The following BMPR1A variants were observed in gnomAD, a reference collection of about 807,000 sequenced individuals.
BMPR1A encodes bone morphogenetic protein receptor type 1A, also known as bone morphogenetic protein receptor type-1A.
In BMPR1A, 7 loss-of-function variants were observed where a neutral mutation model predicts 66.0. The observed-to-expected ratio is 0.11, with a 90% CI of 0.06 to 0.20. The LOEUF (loss-of-function observed/expected upper bound fraction) is 0.20. BMPR1A is among the 10% of genes least tolerant of loss of function. The probability of loss-of-function intolerance (pLI) is 1.00; values close to 1 mark genes in which losing one functional copy is unlikely to be tolerated. For synonymous variants in BMPR1A, 200 were observed against 229.7 expected, an observed-to-expected ratio of 0.87 and a Z score of 1.17; for missense variants, 408 against 669.1, an observed-to-expected ratio of 0.61 and a Z score of 4.31.
chr10:86,784,442 A>AAT (rs1348598797), intron 1 of BMPR1A, among the ~76,000 whole-genome samples: 1 of 152,176 alleles, frequency 6.6e-6, no homozygotes, highest in Non-Finnish European at 1.5e-5. Context: ...GCATCCTAGG[A>AAT]ATAAGGCTCC....
At chr10:86,836,563 C>T (rs997049536) in intron 1 of BMPR1A, among the ~76,000 whole-genome samples, 13 of 151,952 alleles carry the variant, frequency 8.6e-5, no homozygotes, top group African/African-American at 3.1e-4. Flanking sequence ...TTTGGGAGGC[C>T]GAGGCAGGCG....
At chr10:86,794,236 T>A (rs964224018) in intron 1 of BMPR1A, among the ~76,000 whole-genome samples, 2 of 152,080 alleles carry the variant, frequency 1.3e-5, no homozygotes, top group African/African-American at 2.4e-5. Flanking sequence ...AACTGTTAAT[T>A]TTATCTATTT....
chr10:86,794,244 T>A (rs974769138), intron 1 of BMPR1A, among the ~76,000 whole-genome samples: 5 of 145,450 alleles, frequency 3.4e-5, no homozygotes, highest in African/African-American at 1.3e-4. Context: ...ATTTTATCTA[T>A]TTTTTTTTTA....
chr10:86,924,886 G>A lies in BMPR1A; in HGVS notation c.*1167G>A. 8.6e-6 allele frequency: 2 copies of A among 232,040 alleles called. No homozygotes were observed. Among genetic ancestry groups the A allele is most frequent in the East Asian group, 1.2e-4 (2 of 16,276 alleles). 14.4% of individuals were successfully genotyped at this position (232,040 alleles called of 1,614,324 possible). A position where few individuals can be genotyped will look rare whatever the true frequency, so the allele number is the denominator to read the frequency against. On this transcript the variant is annotated 3_prime_UTR_variant, in exon 13 of 13. Coordinates refer to ENST00000372037, the MANE Select transcript of BMPR1A (RefSeq NM_004329.3). ...AATTTTCAGAATTAATGCATTCAAAGTAATATATCAAATCCAGGACTTTGT... is the reference window on the plus strand; with the variant it reads ...AATTTTCAGAATTAATGCATTCAAAATAATATATCAAATCCAGGACTTTGT...
intron 2 of BMPR1A, among the ~76,000 whole-genome samples, chr10:86,872,286 C>A (rs554212193): frequency 6.6e-6 from 1 of 152,298 alleles, no homozygotes; most frequent in South Asian, 2.1e-4. Flanking sequence ...TTCTATTTAG[C>A]ACCTACTATG....
At chr10:86,820,743 A>G (rs1160274630) in intron 1 of BMPR1A, among the ~76,000 whole-genome samples, 2 of 152,174 alleles carry the variant, frequency 1.3e-5, no homozygotes. Flanking sequence ...ACTGTTTCAT[A>G]TACTTCTTAC....
At chr10:86,772,399 G>A (rs1177656584) in intron 1 of BMPR1A, among the ~76,000 whole-genome samples, 1 of 151,962 alleles carries the variant, frequency 6.6e-6, no homozygotes, top group African/African-American at 2.4e-5. Context: ...CAAAGTGCTG[G>A]GATTACAGGC....
At chr10:86,878,162 A>G (rs1415214281) in intron 3 of BMPR1A, among the ~76,000 whole-genome samples, 1 of 152,216 alleles carries the variant, frequency 6.6e-6, no homozygotes, top group Non-Finnish European at 1.5e-5. Flanking sequence ...CTTTAGCTCT[A>G]GCTTTATCTT....
chr10:86,819,320 C>CT (rs1231184636), intron 1 of BMPR1A, among the ~76,000 whole-genome samples: 6 of 151,900 alleles, frequency 3.9e-5, no homozygotes, highest in African/African-American at 7.3e-5. Context: ...CTTGAATTTT[C>CT]TTTTTTTTCT....
intron 1 of BMPR1A, among the ~76,000 whole-genome samples, chr10:86,809,402 A>G (rs11202203): frequency 0.011 from 1,582 of 150,474 alleles, 29 homozygotes; most frequent in South Asian, 0.08. Flanking sequence ...CGATTCTCCC[A>G]CCTCAGCTTC....
At chr10:86,858,797 C>CATCCATA (rs1188257102) in intron 2 of BMPR1A, among the ~76,000 whole-genome samples, 1 of 152,110 alleles carries the variant, frequency 6.6e-6, no homozygotes, top group East Asian at 1.9e-4. Context: ...TATGGAAAGA[C>CATCCATA]ATCCATATTC....
At chr10:86,764,277 TG>T (rs551728147) in intron 1 of BMPR1A, among the ~76,000 whole-genome samples, 2 of 152,356 alleles carry the variant, frequency 1.3e-5, no homozygotes, top group African/African-American at 2.4e-5. Context: ...AAGTAAAGGC[TG>T]TTAAATTTTG....
chr10:86,769,077 A>G (rs1188568619), intron 1 of BMPR1A, among the ~76,000 whole-genome samples: 1 of 152,266 alleles, frequency 6.6e-6, no homozygotes, highest in East Asian at 1.9e-4. Context: ...GCTTTCTAAA[A>G]GTATGCATTA....
chr10:86,796,419 A>G (rs189595063), intron 1 of BMPR1A, among the ~76,000 whole-genome samples: 20 of 152,088 alleles, frequency 1.3e-4, no homozygotes, highest in Admixed American at 2.0e-4. Flanking sequence ...ATGTTCATCA[A>G]TTTACTTACT....
chr10:86,866,399 C>CTTTTTTTTTTCTTTTTTTTTT (rs1842785629), intron 2 of BMPR1A, among the ~76,000 whole-genome samples: 1 of 69,476 alleles, frequency 1.4e-5, no homozygotes, highest in African/African-American at 5.3e-5. Flanking sequence ...AAGTTTCTTT[C>CTTTTTTTTTTCTTTTTTTTTT]TTTTTTTTTT....
intron 3 of BMPR1A, among the ~76,000 whole-genome samples, chr10:86,879,048 C>T (rs1051247707): frequency 4.6e-5 from 7 of 151,842 alleles, no homozygotes; most frequent in African/African-American, 1.5e-4. Flanking sequence ...AAAGTTTGAA[C>T]AATAAAGAGC....
chr10:86,887,072 A>G (rs1000800634), intron 3 of BMPR1A, among the ~76,000 whole-genome samples: 6 of 151,952 alleles, frequency 3.9e-5, no homozygotes, highest in African/African-American at 1.5e-4. Context: ...ACCTCAGGTG[A>G]TGTGCCCACT....
At chr10:86,865,981 G>T (rs1310546586) in intron 2 of BMPR1A, among the ~76,000 whole-genome samples, 1 of 152,222 alleles carries the variant, frequency 6.6e-6, no homozygotes, top group Non-Finnish European at 1.5e-5. Flanking sequence ...TTGGTTCTGG[G>T]AGTGTGGAAG....
chr10:86,831,724 A>G (rs1264024183), intron 1 of BMPR1A, among the ~76,000 whole-genome samples: 3 of 152,212 alleles, frequency 2.0e-5, no homozygotes, highest in Non-Finnish European at 4.4e-5. Flanking sequence ...GGATTACACC[A>G]CTGCACTCCA....
Sources: allele counts gnomAD v4.1 joint callset (sites outside exome capture counted in the v4.1 genomes callset), GRCh38; gene constraint gnomAD v4.1.1; transcripts MANE v1.5; gene names NCBI Gene and HGNC (gene_info 2026-07-23, HGNC 2026-07-21).